SMURF1: variants seen among roughly 807,000 people sequenced by gnomAD.
SMURF1 encodes SMAD specific E3 ubiquitin protein ligase 1, also known as E3 ubiquitin-protein ligase SMURF1.
Under a neutral mutation model 98.0 loss-of-function variants are expected in SMURF1, and 44 were observed. That is an observed-to-expected ratio of 0.45 (90% CI 0.35 to 0.58). The LOEUF is 0.58. Among genes scored for constraint, SMURF1 ranks in the 20% least tolerant of loss-of-function variants. The pLI is 0.00. For missense variants in SMURF1, 687 were observed against 938.4 expected (o/e 0.73, Z 3.50); for synonymous variants, 396 against 374.9 (o/e 1.06, Z -0.65).
At chr7:99,100,839 C>G (rs968467053) in intron 1 of SMURF1, among the ~76,000 whole-genome samples, 2 of 152,090 alleles carry the variant, frequency 1.3e-5, no homozygotes, top group Admixed American at 6.6e-5. Context: ...ATACATCTTA[C>G]AAAGCAACAA....
intron 15 of SMURF1, chr7:99,035,999 G>A (rs912314307): frequency 3.6e-5 from 16 of 448,112 alleles, no homozygotes; most frequent in African/African-American, 1.0e-4. Flanking sequence ...GCTCTGCATC[G>A]GTGAGGAGTA....
chr7:99,034,789 G>T (rs951707662), intron 16 of SMURF1, among the ~76,000 whole-genome samples: 3 of 152,146 alleles, frequency 2.0e-5, no homozygotes, highest in African/African-American at 7.2e-5. Flanking sequence ...AAAAGATGCA[G>T]GTGCCCTGAT....
At chr7:99,133,250 C>T (rs570151813) in intron 1 of SMURF1, among the ~76,000 whole-genome samples, 3 of 152,140 alleles carry the variant, frequency 2.0e-5, no homozygotes, top group East Asian at 1.9e-4. Flanking sequence ...CGTTAGAACC[C>T]ATGAACAAGT....
chr7:99,112,332 CTGT>C lies in SMURF1; in HGVS notation c.55+31391_55+31393del, dbSNP rs372188394. Among the ~76,000 whole-genome samples the C allele has an allele frequency of 4.7e-4, 72 of 152,268 alleles. 1 individual carries two copies. In the South Asian group the frequency reaches 8.9e-3, roughly 19 times the overall value. ...CCCATCTGCAAAGACTGGGGGGTTT[CTGT>C]TGTTGTTGTTGTCATTCCAGACGTG... On this transcript the variant is annotated intron_variant, in intron 1 of 17. Coordinates refer to ENST00000361368, the MANE Select transcript of SMURF1 (RefSeq NM_181349.3).
intron 1 of SMURF1, among the ~76,000 whole-genome samples, chr7:99,075,908 A>G (rs1023406691): frequency 4.6e-5 from 7 of 152,154 alleles, no homozygotes; most frequent in South Asian, 2.1e-4. Context: ...TATTCTGTCT[A>G]TTGATGTTTA....
chr7:99,089,013 G>A (rs1796743202), intron 1 of SMURF1, among the ~76,000 whole-genome samples: 1 of 152,108 alleles, frequency 6.6e-6, no homozygotes, highest in East Asian at 1.9e-4. Context: ...AGACCATCCT[G>A]GCAAACATGG....
intron 1 of SMURF1, among the ~76,000 whole-genome samples, chr7:99,105,599 C>G (rs1018997152): frequency 6.6e-6 from 1 of 152,156 alleles, no homozygotes; most frequent in Non-Finnish European, 1.5e-5. Context: ...GACTGAGTAG[C>G]TTTGCCCAAG....
chr7:99,110,887 G>A (rs936731500), intron 1 of SMURF1, among the ~76,000 whole-genome samples: 7 of 152,174 alleles, frequency 4.6e-5, no homozygotes, highest in Non-Finnish European at 7.3e-5. Context: ...GGATGAGAGC[G>A]GTCCCCAGGA....
At chr7:99,094,194 A>G (rs1796892272) in intron 1 of SMURF1, among the ~76,000 whole-genome samples, 1 of 152,218 alleles carries the variant, frequency 6.6e-6, no homozygotes, top group Admixed American at 6.5e-5. Context: ...CCTCTTCTGT[A>G]AGAAAGAAAA....
intron 1 of SMURF1, among the ~76,000 whole-genome samples, chr7:99,101,670 T>G (rs2150590716): frequency 6.6e-6 from 1 of 152,354 alleles, no homozygotes; most frequent in Non-Finnish European, 1.5e-5. Context: ...CCGGGCATGG[T>G]GGCTCACGCC....
chr7:99,036,947 C>T, intron 15 of SMURF1, 120 bp downstream of exon 15: 2 of 1,482,136 alleles, frequency 1.3e-6, no homozygotes, highest in Non-Finnish European at 1.8e-6. Flanking sequence ...GTCTGGGAAC[C>T]CCAGCAGCTC....
At chr7:99,058,396 C>G (rs1280411318) in intron 3 of SMURF1, among the ~76,000 whole-genome samples, 1 of 152,196 alleles carries the variant, frequency 6.6e-6, no homozygotes, top group Non-Finnish European at 1.5e-5. Flanking sequence ...TCCCAAAGTG[C>G]TTAGATTACA....
At chr7:99,066,929 C>T (rs1451652247) in intron 1 of SMURF1, among the ~76,000 whole-genome samples, 2 of 151,758 alleles carry the variant, frequency 1.3e-5, no homozygotes, top group African/African-American at 4.8e-5. Context: ...TTGGTCCACT[C>T]TAGAGATATA....
At chr7:99,132,333 C>T (rs945551941) in intron 1 of SMURF1, among the ~76,000 whole-genome samples, 1 of 152,152 alleles carries the variant, frequency 6.6e-6, no homozygotes, top group African/African-American at 2.4e-5. Context: ...TTCTCTCATT[C>T]ACCAGGTATT....
At chr7:99,129,417 G>T (rs188460637) in intron 1 of SMURF1, among the ~76,000 whole-genome samples, 251 of 152,186 alleles carry the variant, frequency 1.6e-3, no homozygotes, top group Admixed American at 3.4e-3. Context: ...ATTTTAAGAT[G>T]GTCTCACCCT....
intron 2 of SMURF1, 47 bp from the exon 3 acceptor site, chr7:99,060,754 C>G: frequency 8.1e-7 from 1 of 1,229,792 alleles, no homozygotes; most frequent in Non-Finnish European, 1.2e-6. Context: ...TCACATCCAT[C>G]CATGTGACAC....
intron 1 of SMURF1, chr7:99,081,286 C>T (rs1412592781): frequency 1.3e-5 from 2 of 152,172 alleles, no homozygotes; most frequent in African/African-American, 4.8e-5. Context: ...GCAGGAATAT[C>T]GCTTGAAGCC....
intron 1 of SMURF1, among the ~76,000 whole-genome samples, chr7:99,121,394 T>C (rs1053548347): frequency 1.3e-5 from 2 of 152,318 alleles, no homozygotes; most frequent in African/African-American, 2.4e-5. Flanking sequence ...ATATTGTATA[T>C]AATTTCTAAA....
intron 1 of SMURF1, among the ~76,000 whole-genome samples, chr7:99,114,105 T>G (rs1435573064): frequency 6.6e-6 from 1 of 152,078 alleles, no homozygotes; most frequent in Non-Finnish European, 1.5e-5. Context: ...AGAGCAAAGT[T>G]TTTATATATC....
Sources: gnomAD v4.1 joint callset for allele counts (sites outside exome capture counted in the v4.1 genomes callset) on GRCh38, gnomAD v4.1.1 for gene constraint, MANE v1.5 for transcripts, NCBI Gene and HGNC (gene_info 2026-07-23, HGNC 2026-07-21) for gene names.